The following RAD51B variants were observed in gnomAD, a reference collection of about 807,000 sequenced individuals.
RAD51B encodes RAD51 paralog B.
RAD51B carries 38 observed loss-of-function variants against 42.2 expected under a neutral mutation model. The observed-to-expected ratio is 0.90, with a 90% confidence interval of 0.70 to 1.18. The LOEUF is 1.18. Ranked by LOEUF, RAD51B falls within the 50% of genes most tolerant of loss-of-function variation. The pLI, the probability that RAD51B is intolerant of heterozygous loss-of-function variation, is 0.00. For missense variants in RAD51B, 373 were observed against 400.7 expected (o/e 0.93, Z 0.59); for synonymous variants, 154 against 145.2 (o/e 1.06, Z -0.43).
At chr14:68,252,973 C>T (rs1328599766) in intron 7 of RAD51B, among the ~76,000 whole-genome samples, 9 of 151,940 alleles carry the variant, frequency 5.9e-5, no homozygotes, top group Non-Finnish European at 1.3e-4. Context: ...ATCTCAGCTG[C>T]TCAGGAGGCT....
At chr14:67,984,778 C>T (rs1005088206) in intron 7 of RAD51B, among the ~76,000 whole-genome samples, 1 of 152,090 alleles carries the variant, frequency 6.6e-6, no homozygotes, top group African/African-American at 2.4e-5. Flanking sequence ...AAGGATGCTC[C>T]GTGGTACTCC....
At chr14:67,877,071 G>T (rs1034925470) in intron 5 of RAD51B, among the ~76,000 whole-genome samples, 1 of 151,994 alleles carries the variant, frequency 6.6e-6, no homozygotes, top group African/African-American at 2.4e-5. Flanking sequence ...GGTATTTTGG[G>T]AATTTGTAGG....
At chr14:67,890,378 G>A (rs1039507030) in intron 7 of RAD51B, among the ~76,000 whole-genome samples, 1 of 151,764 alleles carries the variant, frequency 6.6e-6, no homozygotes, top group Non-Finnish European at 1.5e-5. Flanking sequence ...TGCCAGTTTG[G>A]GGATTTTTTT....
chr14:68,198,969 T>A (rs577567646), intron 7 of RAD51B, among the ~76,000 whole-genome samples: 218 of 152,352 alleles, frequency 1.4e-3, no homozygotes, highest in African/African-American at 5.0e-3. Flanking sequence ...CTGCCTGTTG[T>A]CTGCCCTTTG....
intron 8 of RAD51B, among the ~76,000 whole-genome samples, chr14:68,391,163 TTTC>T (rs1331072360): frequency 6.6e-6 from 1 of 151,726 alleles, no homozygotes. Flanking sequence ...TCTTTCTTTC[TTTC>T]TTTCTTTCTT....
At chr14:67,849,789 C>A (rs946147776) in intron 4 of RAD51B, among the ~76,000 whole-genome samples, 2 of 151,940 alleles carry the variant, frequency 1.3e-5, no homozygotes, top group African/African-American at 4.8e-5. Flanking sequence ...TTATTAGATT[C>A]TTTGTGTTGA....
At chr14:68,314,692 A>G (rs868546874) in intron 8 of RAD51B, among the ~76,000 whole-genome samples, 1 of 152,250 alleles carries the variant, frequency 6.6e-6, no homozygotes, top group Non-Finnish European at 1.5e-5. Flanking sequence ...AGAGAAGCTC[A>G]GAGATTCATT....
intron 7 of RAD51B, among the ~76,000 whole-genome samples, chr14:68,269,143 T>C (rs957060830): frequency 6.6e-6 from 1 of 152,224 alleles, no homozygotes; most frequent in Non-Finnish European, 1.5e-5. Flanking sequence ...TGAGCACTCA[T>C]GAATATTTTA....
At chr14:68,398,812 A>G (rs887224431) in intron 8 of RAD51B, among the ~76,000 whole-genome samples, 2 of 152,194 alleles carry the variant, frequency 1.3e-5, no homozygotes, top group Non-Finnish European at 2.9e-5. Flanking sequence ...TCTAATACAA[A>G]TGCATGCATG....
intron 7 of RAD51B, among the ~76,000 whole-genome samples, chr14:67,905,494 G>T (rs1287955053): frequency 6.6e-6 from 1 of 152,062 alleles, no homozygotes. Flanking sequence ...TCTGTAAATT[G>T]CTTTGGGCAG....
At chr14:67,962,553 CA>C (rs2074691537) in intron 7 of RAD51B, among the ~76,000 whole-genome samples, 1 of 152,170 alleles carries the variant, frequency 6.6e-6, no homozygotes, top group Non-Finnish European at 1.5e-5. Flanking sequence ...GCTATGTCAA[CA>C]CAGTTCTGAT....
chr14:68,186,360 A>G (rs2079157595), intron 7 of RAD51B, among the ~76,000 whole-genome samples: 2 of 152,230 alleles, frequency 1.3e-5, no homozygotes. Flanking sequence ...AAATTGACAG[A>G]TGGGACCTAA....
At chr14:68,612,974 T>G (rs11847037), downstream of RAD51B, among the ~76,000 whole-genome samples, 10,634 of 151,896 alleles carry the variant, frequency 0.07, 489 homozygotes, top group African/African-American at 0.12. Context: ...AGAGGTGTGT[T>G]TGTGTGTGTG....
intron 7 of RAD51B, among the ~76,000 whole-genome samples, chr14:68,235,855 CTG>C: frequency 6.6e-6 from 1 of 152,028 alleles, no homozygotes; most frequent in Middle Eastern, 3.4e-3. Context: ...TATATATACA[CTG>C]TAGAATACTA....
chr14:68,122,277 G>A (rs2077665501), intron 7 of RAD51B, among the ~76,000 whole-genome samples: 1 of 152,074 alleles, frequency 6.6e-6, no homozygotes, highest in South Asian at 2.1e-4. Context: ...TCCATTGTAA[G>A]CAAAGTCAAA....
chr14:68,388,094 A>ATATATT (rs1483952338), intron 8 of RAD51B, among the ~76,000 whole-genome samples: 189 of 118,758 alleles, frequency 1.6e-3, no homozygotes, highest in Middle Eastern at 4.5e-3. Flanking sequence ...ATATATATAT[A>ATATATT]TTTTTTTTTT....
chr14:68,636,171 G>A (rs1595040336), intron 10 of RAD51B, among the ~76,000 whole-genome samples: 1 of 152,172 alleles, frequency 6.6e-6, no homozygotes, highest in Non-Finnish European at 1.5e-5. Context: ...CCCGACTGGG[G>A]TAGACAGAGT....
At chr14:68,636,259 A>T (rs1892336906) in intron 10 of RAD51B, among the ~76,000 whole-genome samples, 1 of 152,176 alleles carries the variant, frequency 6.6e-6, no homozygotes, top group Admixed American at 6.5e-5. Context: ...TTGACAGGAC[A>T]TTCAGATAAG....
chr14:67,878,204 A>C (rs1171921988), intron 5 of RAD51B, among the ~76,000 whole-genome samples: 2 of 152,168 alleles, frequency 1.3e-5, no homozygotes, highest in African/African-American at 4.8e-5. Flanking sequence ...TTGTATCTCA[A>C]CCAATAGTAC....
Sources: gnomAD v4.1 joint callset for allele counts (sites outside exome capture counted in the v4.1 genomes callset) on GRCh38, gnomAD v4.1.1 for gene constraint, MANE v1.5 for transcripts, NCBI Gene and HGNC (gene_info 2026-07-23, HGNC 2026-07-21) for gene names.